Variants in NDUFB10 observed in about 807,000 individuals in gnomAD.
The protein encoded by NDUFB10 is NADH dehydrogenase [ubiquinone] 1 beta subcomplex subunit 10.
NDUFB10 carries 23 observed loss-of-function variants against 19.0 expected under a neutral mutation model. The ratio of observed to expected loss-of-function variants is 1.21; its 90% confidence interval spans 0.87 to 1.71. The LOEUF (loss-of-function observed/expected upper bound fraction) is 1.71, where lower values mean the gene tolerates loss of function less well. Ranked by LOEUF, NDUFB10 falls within the 40% of genes most tolerant of loss-of-function variation. The pLI is 0.00. For synonymous variants in NDUFB10, 104 were observed against 81.8 expected (o/e 1.27, Z -1.46); for missense variants, 312 against 230.6 (o/e 1.35, Z -2.29).
rs531834533 is a variant in NDUFB10 at position 1,961,586 on chromosome 16, T to C, written c.359T>C (p.Ile120Thr). 1.5e-5 allele frequency: 25 copies of C among 1,613,922 alleles called. No individual in the cohort carries two copies. The highest frequency in any genetic ancestry group is 8.9e-5 in the East Asian group (4 of 44,894). The change falls in exon 3 of 4, where the codon ATC becomes ACC. Residue 120 changes from isoleucine to threonine, a missense_variant. Coordinates refer to ENST00000268668, the MANE Select transcript of NDUFB10 (RefSeq NM_004548.3). ...REGQNYQQNCIKEVEQFTQVA... is the reference protein window; with the variant it reads ...REGQNYQQNCTKEVEQFTQVA... ...GGACAGAACTACCAGCAGAACTGTA[T>C]CAAGGAAGTGGAGCAGTTCACCCAG... is the stretch of plus-strand genomic sequence containing the variant.
chr16:1,961,937 C>G lies in NDUFB10; in HGVS notation c.*31C>G, dbSNP rs923871086. ...CTGTGGGTGCCCCTGCTGTGTGGCT[C>G]TGTATGACTGTTGCTGAAATATAAA... On this transcript the variant is annotated 3_prime_UTR_variant, in exon 4 of 4. Transcript: ENST00000268668. 2.6e-6 allele frequency: 4 copies of G among 1,534,588 alleles called. No individual in the cohort carries two copies. Among genetic ancestry groups the G allele is most frequent in the Non-Finnish European group, 3.5e-6 (4 of 1,131,588 alleles).
chr16:1,961,935 C>T lies in NDUFB10; in HGVS notation c.*29C>T. The T allele has an allele frequency of 6.5e-7, 1 of 1,536,268 alleles. No individual in the cohort carries two copies. Among genetic ancestry groups the T allele is most frequent in the Non-Finnish European group, 8.8e-7 (1 of 1,132,848 alleles). ...AGCTGTGGGTGCCCCTGCTGTGTGG[C>T]TCTGTATGACTGTTGCTGAAATATA... is the stretch of plus-strand genomic sequence containing the variant. On this transcript the variant is annotated 3_prime_UTR_variant, in exon 4 of 4. Coordinates refer to ENST00000268668, the MANE Select transcript of NDUFB10 (RefSeq NM_004548.3).
At chr16:1,960,427 T>G (rs2010760) in intron 1 of NDUFB10, among the ~76,000 whole-genome samples, 5,546 of 152,234 alleles carry the variant, frequency 0.036, 366 homozygotes, top group African/African-American at 0.13. Context: ...TTCACCATGT[T>G]GGCCAGGCTG....
At chr16:1,961,010 A>G (rs890280213) in intron 1 of NDUFB10, 143 bp from the exon 2 acceptor site, 12 of 1,037,468 alleles carry the variant, frequency 1.2e-5, no homozygotes, top group Non-Finnish European at 1.7e-5. Flanking sequence ...CACATCCCTT[A>G]GAGAGACGAA....
rs745913871 is a variant in NDUFB10, at chr16:1,959,665, C to G, written c.41C>G (p.Pro14Arg). Residue 14 changes from proline to arginine, a missense_variant, in exon 1 of 4, where the codon CCG becomes CGG. Pro to Arg is a moderately radical substitution (Grantham distance 103). Coordinates refer to ENST00000268668, the MANE Select transcript of NDUFB10 (RefSeq NM_004548.3). ...GACAAGGATGTGTACCCTGAGCCCC[C>G]GCGCCGCACGCCGGTGCAGCCCAAT... The part of the protein sequence containing the change: ...SWDKDVYPEP[P>R]RRTPVQPNPI... 3.1e-6 allele frequency: 5 copies of G among 1,613,158 alleles called. No homozygotes were observed. The highest frequency in any genetic ancestry group is 4.2e-6 in the Non-Finnish European group (5 of 1,179,736).
chr16:1,961,686 G>T (rs1395928353), intron 3 of NDUFB10, 50 bp downstream of exon 3: 1 of 1,544,710 alleles, frequency 6.5e-7, no homozygotes, highest in African/African-American at 1.4e-5. Flanking sequence ...TGAGGCCTGG[G>T]GGCCAGAACC....
rs200337356 is a variant in NDUFB10, at chr16:1,961,269, G to A, written c.247G>A (p.Glu83Lys). 39 of 1,613,902 alleles carry A rather than the reference G, an allele frequency of 2.4e-5. No homozygotes were observed. Among genetic ancestry groups the A allele is most frequent in the Non-Finnish European group, 3.1e-5 (36 of 1,180,034 alleles). ...GGACATCATGTGCATGTATGAAGCC[G>A]AAATGCAGTGGAAGAGGGACTAGTA... is the stretch of plus-strand genomic sequence containing the variant. ...EEDIMCMYEA[E>K]MQWKRDYKVD... The change falls in exon 2 of 4, where the codon GAA becomes AAA. Residue 83 changes from glutamate (E) to lysine (K), a missense_variant. By Grantham distance (56) the Glu-to-Lys change is moderately conservative. Transcript: ENST00000268668.
At chr16:1,960,250 C>G (rs1262335565) in intron 1 of NDUFB10, among the ~76,000 whole-genome samples, 57 of 150,940 alleles carry the variant, frequency 3.8e-4, no homozygotes, top group Admixed American at 3.8e-3. Context: ...GAGACAGTCT[C>G]ACTCTGTTGC....
intron 2 of NDUFB10, 79 bp downstream of exon 2, chr16:1,961,370 GCATGCCCAGATTTTAGGGGTGA>G: frequency 6.2e-7 from 1 of 1,601,080 alleles, no homozygotes; most frequent in African/African-American, 1.3e-5. Flanking sequence ...CCACAGGGTG[GCATGCCCAGATTTTAGGGGTGA>G]CATGGGAGGA....
intron 2 of NDUFB10, 55 bp from the exon 3 acceptor site, chr16:1,961,442 G>C (rs2083253857): frequency 6.2e-7 from 1 of 1,605,128 alleles, no homozygotes; most frequent in Non-Finnish European, 8.5e-7. Context: ...GTTCTCACAG[G>C]GTACAGGAAA....
chr16:1,960,651 TTTG>T (rs1220814909), intron 1 of NDUFB10, among the ~76,000 whole-genome samples: 1 of 152,218 alleles, frequency 6.6e-6, no homozygotes, highest in Non-Finnish European at 1.5e-5. Flanking sequence ...CTCCCTCTCT[TTTG>T]TAGCAGTTGT....
At chr16:1,960,932 A>T (rs1174377166) in intron 1 of NDUFB10, among the ~76,000 whole-genome samples, 1 of 152,164 alleles carries the variant, frequency 6.6e-6, no homozygotes, top group African/African-American at 2.4e-5. Context: ...AACTCTGAGG[A>T]TGATGCCTGG....
chr16:1,961,561 G>A lies in NDUFB10; in HGVS notation c.334G>A (p.Gly112Arg). 6 of 1,614,068 alleles carry A rather than the reference G, an allele frequency of 3.7e-6. No individual in the cohort carries two copies. Among genetic ancestry groups the A allele is most frequent in the Non-Finnish European group, 5.1e-6 (6 of 1,180,026 alleles). The part of the protein sequence containing the change: ...DRLKACQQRE[G>R]QNYQQNCIKE... ...GCTCAAAGCCTGTCAGCAGAGGGAA[G>A]GACAGAACTACCAGCAGAACTGTAT... The change falls in exon 3 of 4, where the codon GGA (glycine) becomes AGA (arginine). Residue 112 changes from glycine (G) to arginine (R), a missense_variant. Physicochemically the swap from Gly to Arg is moderately radical, Grantham distance 125. Coordinates refer to ENST00000268668, the MANE Select transcript of NDUFB10 (RefSeq NM_004548.3).
chr16:1,959,914 C>T (rs2150870201), intron 1 of NDUFB10, among the ~76,000 whole-genome samples, 160 bp downstream of exon 1: 1 of 151,654 alleles, frequency 6.6e-6, no homozygotes. Context: ...CTCCGAGCTC[C>T]GTCGCCTCCT....
chr16:1,959,602 C>T lies in NDUFB10; in HGVS notation c.-23C>T, dbSNP rs762634815. Reference sequence around the variant, plus strand: ...GAGGCCAGGGCAGCGCGTCCGGGAGCGGAGTCCGCGCCCGCCGCCGCCATG... The same window carrying T: ...GAGGCCAGGGCAGCGCGTCCGGGAGTGGAGTCCGCGCCCGCCGCCGCCATG... On this transcript the variant is annotated 5_prime_UTR_variant, in exon 1 of 4. Transcript: ENST00000268668. 4.4e-6 allele frequency: 7 copies of T among 1,597,860 alleles called. No homozygotes were observed. Among genetic ancestry groups the T allele is most frequent in the South Asian group, 1.1e-5 (1 of 89,682 alleles).
In NDUFB10 at chr16:1,961,815, A is replaced by C; in HGVS notation, c.428A>C (p.Tyr143Ser). The C allele has an allele frequency of 6.4e-7, 1 of 1,557,774 alleles. No homozygotes were observed. Among genetic ancestry groups the C allele is most frequent in the Non-Finnish European group, 8.7e-7 (1 of 1,150,140 alleles). Reference sequence around the variant, plus strand: ...TCCCCAGATCAGGACCTGGGGGCCTACAGTTCTGCCAGGAAGTGCCTGGCC... The same window carrying C: ...TCCCCAGATCAGGACCTGGGGGCCTCCAGTTCTGCCAGGAAGTGCCTGGCC... ...YQDRYQDLGA[Y>S]SSARKCLAKQ... The change falls in exon 4 of 4, where the codon TAC becomes TCC. Residue 143 changes from tyrosine to serine, a missense_variant. Coordinates refer to ENST00000268668, the MANE Select transcript of NDUFB10 (RefSeq NM_004548.3).
chr16:1,959,864 CCCCGCTGCA>C (rs2083242056), intron 1 of NDUFB10, 110 bp downstream of exon 1: 37 of 1,423,124 alleles, frequency 2.6e-5, no homozygotes, highest in African/African-American at 4.3e-5. Flanking sequence ...TGAGACCGCC[CCCCGCTGCA>C]CCCCGGGGAC....
intron 1 of NDUFB10, among the ~76,000 whole-genome samples, chr16:1,960,410 A>G (rs749890315): frequency 4.6e-5 from 7 of 152,070 alleles, no homozygotes; most frequent in Non-Finnish European, 8.8e-5. Context: ...TTTAGTAGAC[A>G]CGGGGTTTCA....
intron 2 of NDUFB10, 81 bp from the exon 3 acceptor site, chr16:1,961,416 G>C (rs971466647): frequency 6.3e-7 from 1 of 1,594,930 alleles, no homozygotes; most frequent in Non-Finnish European, 8.6e-7. Context: ...AGACCCCAGG[G>C]CTCTTGCTTT....
Sources: allele counts gnomAD v4.1 joint callset (sites outside exome capture counted in the v4.1 genomes callset), GRCh38; gene constraint gnomAD v4.1.1; transcripts MANE v1.5; gene names NCBI Gene and HGNC (gene_info 2026-07-23, HGNC 2026-07-21).